Variants in TAF2 observed in about 807,000 individuals in gnomAD.
TAF2 encodes transcription initiation factor TFIID subunit 2.
A neutral mutation model predicts 138.5 loss-of-function variants in TAF2; 61 were observed. The observed-to-expected ratio is 0.44, with a 90% CI of 0.36 to 0.54. The LOEUF (loss-of-function observed/expected upper bound fraction) is 0.54. TAF2 is among the 20% of genes least tolerant of loss of function. TAF2 has a pLI of 0.00. For synonymous variants in TAF2, 475 were observed against 469.9 expected (o/e 1.01, Z -0.14); for missense variants, 1,090 against 1,427.9 (o/e 0.76, Z 3.81).
chr8:119,824,656 G>A (rs1825990171), intron 2 of TAF2, among the ~76,000 whole-genome samples: 1 of 152,202 alleles, frequency 6.6e-6, no homozygotes, highest in Non-Finnish European at 1.5e-5. Context: ...TCCCTACGCT[G>A]TGTGCAGCCT....
intron 9 of TAF2, 92 bp downstream of exon 9, chr8:119,795,440 G>A: frequency 1.8e-6 from 2 of 1,113,600 alleles, no homozygotes; most frequent in South Asian, 1.3e-5. Context: ...AAAAATTAGG[G>A]ATTTTCAAGC....
chr8:119,797,022 C>T lies in TAF2; in HGVS notation c.1059G>A (p.Gln353=), dbSNP rs771658111. The change falls in exon 8 of 26, where the codon CAG becomes CAA. Residue 353 remains glutamine (Q), a synonymous_variant. Transcript: ENST00000378164. ...RRCLAQSLAQ[Q]FFGCFISRMS... ...TTCTAGATATGAAACAACCAAAAAA[C>T]TGCTGGGCCAAGGATTGGGCTAAAC... 1.7e-5 allele frequency: 28 copies of T among 1,613,106 alleles called. No individual in the cohort carries two copies. The East Asian group carries it at 5.8e-4, about 33-fold the overall frequency.
At chr8:119,789,127 AAAG>A (rs1389532423) in intron 12 of TAF2, among the ~76,000 whole-genome samples, 1 of 152,222 alleles carries the variant, frequency 6.6e-6, no homozygotes, top group Non-Finnish European at 1.5e-5. Flanking sequence ...TTGTGTTTTG[AAAG>A]AAGCAGAACC....
At chr8:119,776,622 G>T (rs1202153036) in intron 18 of TAF2, among the ~76,000 whole-genome samples, 1 of 151,934 alleles carries the variant, frequency 6.6e-6, no homozygotes, top group African/African-American at 2.4e-5. Context: ...CAGGGAGATG[G>T]AGCTTGCAGT....
At chr8:119,806,469 CTTTT>C (rs71571631) in intron 3 of TAF2, 68 bp from the exon 4 acceptor site, 11,309 of 751,984 alleles carry the variant, frequency 0.015, 3 homozygotes, top group Admixed American at 0.023. Flanking sequence ...TTCTTTCTTT[CTTTT>C]TTTTTTTTTT....
chr8:119,786,294 T>C (rs935423410), intron 14 of TAF2, among the ~76,000 whole-genome samples: 6 of 152,104 alleles, frequency 3.9e-5, no homozygotes, highest in Admixed American at 6.6e-5. Context: ...AAAAAAGACA[T>C]AGTAAGCAAG....
At chr8:119,807,890 C>A (rs1367571700) in intron 3 of TAF2, among the ~76,000 whole-genome samples, 1 of 151,926 alleles carries the variant, frequency 6.6e-6, no homozygotes, top group East Asian at 1.9e-4. Flanking sequence ...CCACTGCACT[C>A]CAACCTGGGC....
rs1044194898 is a variant in TAF2, at chr8:119,822,111, T to C, written c.139-2605A>G. Among the ~76,000 whole-genome samples the C allele has an allele frequency of 3.4e-4, 51 of 152,148 alleles. 1 individual carries two copies. The highest frequency in any genetic ancestry group is 2.9e-5 in the Non-Finnish European group (2 of 68,030). ...GCTTAATAAATGCTTTTGTTATTCT[T>C]TTCTGCTTATCCTTTGTGTTCATGC... On this transcript the variant is annotated intron_variant, in intron 2 of 25. Coordinates refer to ENST00000378164, the MANE Select transcript of TAF2 (RefSeq NM_003184.4).
chr8:119,754,376 A>G (rs1187017826), intron 22 of TAF2, among the ~76,000 whole-genome samples: 3 of 152,240 alleles, frequency 2.0e-5, no homozygotes, highest in Non-Finnish European at 2.9e-5. Context: ...ATAAAGTGAC[A>G]TACTCAAACC....
intron 6 of TAF2, among the ~76,000 whole-genome samples, chr8:119,801,434 C>CTT (rs1563900358): frequency 6.9e-6 from 1 of 145,868 alleles, no homozygotes; most frequent in African/African-American, 2.5e-5. Context: ...TTAATATCTA[C>CTT]CTTTTTTTTT....
chr8:119,813,414 T>C (rs1825233217), intron 3 of TAF2, among the ~76,000 whole-genome samples: 1 of 152,246 alleles, frequency 6.6e-6, no homozygotes. Context: ...TGGTTTGTGA[T>C]TTTTAATCCT....
intron 25 of TAF2, among the ~76,000 whole-genome samples, chr8:119,733,858 T>C (rs1819044633): frequency 6.6e-6 from 1 of 151,976 alleles, no homozygotes; most frequent in Admixed American, 6.6e-5. Context: ...GGTACTAGTA[T>C]TATAGATACT....
At chr8:119,808,570 C>T (rs1411721107) in intron 3 of TAF2, among the ~76,000 whole-genome samples, 3 of 152,158 alleles carry the variant, frequency 2.0e-5, no homozygotes, top group Non-Finnish European at 4.4e-5. Flanking sequence ...TTTCAACTGA[C>T]TTTGTCCAGA....
At chr8:119,813,078 T>A (rs1330130724) in intron 3 of TAF2, among the ~76,000 whole-genome samples, 2 of 152,326 alleles carry the variant, frequency 1.3e-5, no homozygotes, top group African/African-American at 4.8e-5. Flanking sequence ...AATTCCCTTT[T>A]TACCATATCC....
chr8:119,781,124 A>G lies in TAF2; in HGVS notation c.2182T>C (p.Cys728Arg), dbSNP rs777564413. Reference protein sequence around the residue: ...AMKSLFTRMFCCKSCPNIVKT... With the variant: ...AMKSLFTRMFRCKSCPNIVKT... ...ACAATGTTTGGACAACTTTTACAAC[A>G]AAACATCCTAGTGAAGAGTGACTTC... The change falls in exon 17 of 26, where the codon TGT becomes CGT. Residue 728 changes from cysteine (C) to arginine (R), a missense_variant. Physicochemically the swap from Cys to Arg is radical, Grantham distance 180. Coordinates refer to ENST00000378164, the MANE Select transcript of TAF2 (RefSeq NM_003184.4). 6.2e-7 allele frequency: 1 copy of G among 1,613,990 alleles called. No homozygotes were observed. Among genetic ancestry groups the G allele is most frequent in the African/African-American group, 1.3e-5 (1 of 74,932 alleles).
At chr8:119,783,774 A>AT (rs1586424195) in intron 15 of TAF2, 141 bp from the exon 16 acceptor site, 1 of 1,035,900 alleles carries the variant, frequency 9.7e-7, no homozygotes, top group Non-Finnish European at 1.4e-6. Context: ...TACTGTATTC[A>AT]TTTTTTTAAA....
At chr8:119,797,986 G>A (rs1179667970) in intron 6 of TAF2, 140 bp from the exon 7 acceptor site, 5 of 808,028 alleles carry the variant, frequency 6.2e-6, no homozygotes, top group Non-Finnish European at 9.7e-6. Flanking sequence ...AGAAAATGTT[G>A]TGAAAATAGT....
At chr8:119,772,210 C>T (rs1176868893) in intron 18 of TAF2, among the ~76,000 whole-genome samples, 1 of 152,108 alleles carries the variant, frequency 6.6e-6, no homozygotes. Flanking sequence ...CATTGCATGC[C>T]TACATCAAAA....
At chr8:119,812,363 A>G (rs1268494457) in intron 3 of TAF2, among the ~76,000 whole-genome samples, 1 of 151,616 alleles carries the variant, frequency 6.6e-6, no homozygotes, top group Non-Finnish European at 1.5e-5. Context: ...TTTGTGTACA[A>G]GTGGTTTTTG....
Sources: allele counts gnomAD v4.1 joint callset (sites outside exome capture counted in the v4.1 genomes callset), GRCh38; gene constraint gnomAD v4.1.1; transcripts MANE v1.5; gene names NCBI Gene and HGNC (gene_info 2026-07-23, HGNC 2026-07-21).